The following SORCS3 variants were observed in gnomAD, a reference collection of about 807,000 sequenced individuals.
SORCS3 encodes sortilin related VPS10 domain containing receptor 3.
A neutral mutation model predicts 146.3 loss-of-function variants in SORCS3; 57 were observed. The observed-to-expected ratio is 0.39, with a 90% CI of 0.31 to 0.49. The LOEUF (loss-of-function observed/expected upper bound fraction) is 0.49. SORCS3 is among the 20% of genes least tolerant of loss of function. SORCS3 has a pLI of 0.92. For missense variants in SORCS3, 1,341 were observed against 1,575.5 expected (o/e 0.85, Z 2.52); for synonymous variants, 653 against 618.5 (o/e 1.06, Z -0.83).
chr10:104,689,367 C>T lies in SORCS3; in HGVS notation c.627+47413C>T, dbSNP rs114031004. Among the ~76,000 whole-genome samples, 1,068 of 152,322 alleles carry T rather than the reference C, an allele frequency of 7.0e-3. 13 individuals are homozygous for T. Among genetic ancestry groups the T allele is most frequent in the African/African-American group, 0.025 (1,027 of 41,570 alleles). On this transcript the variant is annotated intron_variant, in intron 1 of 26. Coordinates refer to ENST00000369701, the MANE Select transcript of SORCS3 (RefSeq NM_014978.3). Reference sequence around the variant, plus strand: ...TTACTCTTAAGTTCTGCTTACGTTGCCCATGTTGCCATCCACATTCCACAA... The same window carrying T: ...TTACTCTTAAGTTCTGCTTACGTTGTCCATGTTGCCATCCACATTCCACAA...
At chr10:105,052,905 G>A (rs1564743235) in intron 5 of SORCS3, among the ~76,000 whole-genome samples, 1 of 152,056 alleles carries the variant, frequency 6.6e-6, no homozygotes, top group South Asian at 2.1e-4. Context: ...GTTTGGTCTG[G>A]GGCTGTGCAT....
At chr10:104,749,675 A>G (rs771891958) in intron 1 of SORCS3, among the ~76,000 whole-genome samples, 7 of 152,204 alleles carry the variant, frequency 4.6e-5, no homozygotes, top group African/African-American at 7.2e-5. Context: ...AGGTTACACC[A>G]CTAGTATGAA....
chr10:104,731,798 CA>C (rs1000716481), intron 1 of SORCS3, among the ~76,000 whole-genome samples: 2 of 152,148 alleles, frequency 1.3e-5, no homozygotes, highest in African/African-American at 4.8e-5. Flanking sequence ...AGACACTGTT[CA>C]AAGCATGAGT....
At chr10:104,983,914 G>A (rs1162444603) in intron 4 of SORCS3, among the ~76,000 whole-genome samples, 1 of 151,970 alleles carries the variant, frequency 6.6e-6, no homozygotes, top group Non-Finnish European at 1.5e-5. Flanking sequence ...TTAAAAATGG[G>A]ATTTTAACAT....
At chr10:105,164,067 T>C (rs1486814311) in intron 11 of SORCS3, among the ~76,000 whole-genome samples, 1 of 152,204 alleles carries the variant, frequency 6.6e-6, no homozygotes, top group African/African-American at 2.4e-5. Context: ...GACTAATCGA[T>C]ATTGTCTTTG....
At chr10:104,665,482 C>T (rs1371048068) in intron 1 of SORCS3, 1 of 152,152 alleles carries the variant, frequency 6.6e-6, no homozygotes, top group Non-Finnish European at 1.5e-5. Context: ...TCTGAAATTC[C>T]AAGAGATAGT....
intron 20 of SORCS3, among the ~76,000 whole-genome samples, chr10:105,236,550 AG>A (rs2056794022): frequency 6.6e-6 from 1 of 152,120 alleles, no homozygotes; most frequent in Admixed American, 6.6e-5. Context: ...ATCTTTTCTA[AG>A]AAACTTCTGT....
chr10:105,076,602 G>C (rs144962813), intron 5 of SORCS3, among the ~76,000 whole-genome samples: 1 of 152,266 alleles, frequency 6.6e-6, no homozygotes, highest in Non-Finnish European at 1.5e-5. Flanking sequence ...AGGGCCAACT[G>C]GTGGGCCAGC....
intron 6 of SORCS3, among the ~76,000 whole-genome samples, chr10:105,104,428 T>A (rs2055807283): frequency 6.6e-6 from 1 of 152,144 alleles, no homozygotes; most frequent in African/African-American, 2.4e-5. Flanking sequence ...CTAGTCATAA[T>A]CAGAAAGCCT....
At chr10:104,963,296 C>G (rs1214451329) in intron 3 of SORCS3, among the ~76,000 whole-genome samples, 1 of 152,186 alleles carries the variant, frequency 6.6e-6, no homozygotes, top group Admixed American at 6.5e-5. Context: ...CATTGACAGT[C>G]TGCCTAGCTC....
At chr10:105,069,972 G>A (rs74157408) in intron 5 of SORCS3, among the ~76,000 whole-genome samples, 2,228 of 152,182 alleles carry the variant, frequency 0.015, 49 homozygotes, top group African/African-American at 0.05. Flanking sequence ...AAGTAATTAT[G>A]ATATCAGGCT....
At chr10:104,669,807 T>C (rs2015829379) in intron 1 of SORCS3, among the ~76,000 whole-genome samples, 1 of 152,164 alleles carries the variant, frequency 6.6e-6, no homozygotes, top group South Asian at 2.1e-4. Context: ...TTTAGTTTTT[T>C]GAGGAACCAT....
At chr10:105,060,147 G>C (rs2055474863) in intron 5 of SORCS3, among the ~76,000 whole-genome samples, 1 of 152,130 alleles carries the variant, frequency 6.6e-6, no homozygotes, top group South Asian at 2.1e-4. Context: ...TGGAATTTGA[G>C]GGGGGTTTGA....
rs551093999 is a variant in SORCS3, at chr10:105,237,112, C to T, written c.2869-8430C>T. ...TTGAACATGAAATGCTGCACAAATA[C>T]CCAGGTCCCAAAGGTCTTACTAAGT... is the stretch of plus-strand genomic sequence containing the variant. On this transcript the variant is annotated intron_variant, in intron 20 of 26. Coordinates refer to ENST00000369701, the MANE Select transcript of SORCS3 (RefSeq NM_014978.3). Among the ~76,000 whole-genome samples, 5 of 152,194 alleles carry T rather than the reference C, an allele frequency of 3.3e-5. No homozygotes were observed. The South Asian group carries it at 1.0e-3, about 32-fold the overall frequency.
intron 4 of SORCS3, among the ~76,000 whole-genome samples, chr10:104,993,844 A>G (rs1445891585): frequency 1.3e-5 from 2 of 152,236 alleles, no homozygotes; most frequent in Non-Finnish European, 2.9e-5. Context: ...TGACTTAATC[A>G]TTAAAGATAC....
At chr10:105,094,398 A>T (rs1438928187) in intron 6 of SORCS3, among the ~76,000 whole-genome samples, 1 of 152,240 alleles carries the variant, frequency 6.6e-6, no homozygotes, top group Non-Finnish European at 1.5e-5. Context: ...TTTTTGGTTA[A>T]TAAAAGCTAG....
chr10:104,687,538 C>T (rs1027913930), intron 1 of SORCS3, among the ~76,000 whole-genome samples: 10 of 152,050 alleles, frequency 6.6e-5, no homozygotes, highest in African/African-American at 2.4e-4. Context: ...GAATTTCTTC[C>T]CTGAGTGTGT....
intron 1 of SORCS3, among the ~76,000 whole-genome samples, chr10:104,666,780 T>A (rs906066559): frequency 2.7e-4 from 41 of 152,126 alleles, no homozygotes; most frequent in African/African-American, 7.5e-4. Context: ...TATTTTTTTT[T>A]ATTTTTTATA....
rs1345147796 is a variant in SORCS3 at position 105,143,230 on chromosome 10, C to T, written c.1302+3744C>T. On this transcript the variant is annotated intron_variant, in intron 8 of 26. Coordinates refer to ENST00000369701, the MANE Select transcript of SORCS3 (RefSeq NM_014978.3). ...TGATGAAAATAATCCATACTTGATA[C>T]TCTTCCCTTTGGTAGTTTTTTTTTA... Among the ~76,000 whole-genome samples, 3 of 152,162 alleles carry T rather than the reference C, an allele frequency of 2.0e-5. No homozygotes were observed. In the East Asian group the frequency reaches 5.8e-4, roughly 29 times the overall value.
Sources: gnomAD v4.1 joint callset for allele counts (sites outside exome capture counted in the v4.1 genomes callset) on GRCh38, gnomAD v4.1.1 for gene constraint, MANE v1.5 for transcripts, NCBI Gene and HGNC (gene_info 2026-07-23, HGNC 2026-07-21) for gene names.